Variants in FBXO8 observed in about 807,000 individuals in gnomAD.
The protein encoded by FBXO8 is F-box protein 8.
Under a neutral mutation model 33.4 loss-of-function variants are expected in FBXO8, and 15 were observed. The ratio of observed to expected loss-of-function variants is 0.45; its 90% confidence interval spans 0.30 to 0.69. The LOEUF (loss-of-function observed/expected upper bound fraction) is 0.69. Ranked by LOEUF, FBXO8 falls within the 30% of genes least tolerant of loss-of-function variation. The probability of loss-of-function intolerance (pLI) is 0.08; values close to 1 mark genes in which losing one functional copy is unlikely to be tolerated. For missense variants in FBXO8, 274 were observed against 380.3 expected (o/e 0.72, Z 2.32); for synonymous variants, 132 against 131.5 (o/e 1.00, Z -0.02).
At chr4:174,248,836 A>G (rs1246759052) in intron 3 of FBXO8, among the ~76,000 whole-genome samples, 4 of 152,068 alleles carry the variant, frequency 2.6e-5, no homozygotes, top group Admixed American at 2.0e-4. Context: ...ACAGAGATAT[A>G]TACACCTGAA....
chr4:174,238,860 G>A, intron 5 of FBXO8, 134 bp downstream of exon 5: 1 of 576,582 alleles, frequency 1.7e-6, no homozygotes, highest in Non-Finnish European at 2.8e-6. Context: ...GTCAGTCACT[G>A]CTACAAACAG....
Position 174,251,794 on chromosome 4 carries a change from A to G in FBXO8, c.456+7905T>C, listed in dbSNP as rs1736291410. ...TTGACTCTAATGCTGATCAAGGAGA[A>G]GGAGCCTGCCATAAACTCCAGCATT... On this transcript the variant is annotated intron_variant, in intron 3 of 5. Transcript: ENST00000393674. This position sits in a 1 kb window ranked among gnomAD's most constrained non-coding sequence, Gnocchi z 4.2. Among the ~76,000 whole-genome samples the G allele has an allele frequency of 6.6e-6, 1 of 152,148 alleles. No homozygotes were observed. The highest frequency in any genetic ancestry group is 2.1e-4 in the South Asian group (1 of 4,830).
At chr4:174,269,670 A>G (rs1579035652) in intron 1 of FBXO8, among the ~76,000 whole-genome samples, 1 of 144,228 alleles carries the variant, frequency 6.9e-6, no homozygotes. Flanking sequence ...ACAGAGTGAG[A>G]CTCGTCTCAA....
rs1736486003 is a variant in FBXO8, at chr4:174,259,200, TATAA to T, written c.456+495_456+498del. On this transcript the variant is annotated intron_variant, in intron 3 of 5. Coordinates refer to ENST00000393674, the MANE Select transcript of FBXO8 (RefSeq NM_012180.3). This position sits in a 1 kb window ranked among gnomAD's most constrained non-coding sequence, Gnocchi z 4.3. ...AAAATTATTCAATTTTATAACAATC[TATAA>T]ATAGTTCCTATGTCAACATGGAATT... 6.6e-6 allele frequency among the ~76,000 whole-genome samples: 1 copy of T among 152,110 alleles called. No homozygotes were observed. Among genetic ancestry groups the T allele is most frequent in the Non-Finnish European group, 1.5e-5 (1 of 67,946 alleles).
intron 3 of FBXO8, among the ~76,000 whole-genome samples, chr4:174,242,546 G>A (rs923866298): frequency 6.6e-6 from 1 of 151,376 alleles, no homozygotes; most frequent in African/African-American, 2.4e-5. Flanking sequence ...CAATGCTAAG[G>A]CACTGATTTT....
chr4:174,243,811 T>G (rs978469132), intron 3 of FBXO8, among the ~76,000 whole-genome samples: 4 of 149,722 alleles, frequency 2.7e-5, no homozygotes, highest in African/African-American at 7.3e-5. Flanking sequence ...TTAGTCTAGA[T>G]ATATATATAT....
In FBXO8 at chr4:174,256,167, T is replaced by C. The variant is rs1222013837; in HGVS notation, c.456+3532A>G. 3 of 454,526 alleles carry C rather than the reference T, an allele frequency of 6.6e-6. No individual in the cohort carries two copies. Among genetic ancestry groups the C allele is most frequent in the Non-Finnish European group, 1.3e-5 (3 of 226,526 alleles). 28.2% of individuals were successfully genotyped at this position (454,526 alleles called of 1,614,324 possible). A position where few individuals can be genotyped will look rare whatever the true frequency, so the allele number is the denominator to read the frequency against. On this transcript the variant is annotated intron_variant, in intron 3 of 5. Coordinates refer to ENST00000393674, the MANE Select transcript of FBXO8 (RefSeq NM_012180.3). The surrounding 1 kb of genome is among the most constrained non-coding windows in gnomAD (Gnocchi z 4.6). Reference sequence around the variant, plus strand: ...GTGGCTGTAAGTATTCTTATTTTTATAATATTTTAATGATGTTTGCTATCA... The same window carrying C: ...GTGGCTGTAAGTATTCTTATTTTTACAATATTTTAATGATGTTTGCTATCA...
At chr4:174,266,138 C>T (rs910800391) in intron 1 of FBXO8, among the ~76,000 whole-genome samples, 2 of 152,062 alleles carry the variant, frequency 1.3e-5, no homozygotes, top group African/African-American at 4.8e-5. Context: ...GGTGATTTCC[C>T]TAGGCTCCGG....
Position 174,259,010 on chromosome 4 carries a change from G to C in FBXO8, c.456+689C>G, listed in dbSNP as rs1321748432. Among the ~76,000 whole-genome samples the C allele has an allele frequency of 1.3e-5, 2 of 151,580 alleles. No individual in the cohort carries two copies. Among genetic ancestry groups the C allele is most frequent in the Admixed American group, 1.3e-4 (2 of 15,192 alleles). Reference sequence around the variant, plus strand: ...CTGAGTGCTGTATAATTTTCACTTAGATTTCTAAGAATAAATCTGTAAGTA... The same window carrying C: ...CTGAGTGCTGTATAATTTTCACTTACATTTCTAAGAATAAATCTGTAAGTA... On this transcript the variant is annotated intron_variant, in intron 3 of 5. Transcript: ENST00000393674. The surrounding 1 kb of genome is among the most constrained non-coding windows in gnomAD (Gnocchi z 4.3).
rs1018430954 is a variant in FBXO8, at chr4:174,261,477, G to A, written c.329+1287C>T. On this transcript the variant is annotated intron_variant, in intron 2 of 5. Transcript: ENST00000393674. The surrounding 1 kb of genome is among the most constrained non-coding windows in gnomAD (Gnocchi z 4.1). The stretch of plus-strand genomic sequence containing the variant: ...CTTTTAAAAAAAGTTCAAACAAACA[G>A]AAATTAAGTTAGTAAGGAATACTAA... Among the ~76,000 whole-genome samples the A allele has an allele frequency of 2.0e-5, 3 of 151,880 alleles. No individual in the cohort carries two copies. The highest frequency in any genetic ancestry group is 2.9e-5 in the Non-Finnish European group (2 of 67,818).
rs1736554157 is a variant in FBXO8 at position 174,261,280 on chromosome 4, T to C, written c.330-1455A>G. On this transcript the variant is annotated intron_variant, in intron 2 of 5. Coordinates refer to ENST00000393674, the MANE Select transcript of FBXO8 (RefSeq NM_012180.3). This position sits in a 1 kb window ranked among gnomAD's most constrained non-coding sequence, Gnocchi z 4.1. ...ATACATCCAAAGTTGAAATTAAAACTAAGCCAGCCTTTAATTTCAAATAGA... is the reference window on the plus strand; with the variant it reads ...ATACATCCAAAGTTGAAATTAAAACCAAGCCAGCCTTTAATTTCAAATAGA... Among the ~76,000 whole-genome samples, 1 of 151,956 alleles carries C rather than the reference T, an allele frequency of 6.6e-6. No individual in the cohort carries two copies. Among genetic ancestry groups the C allele is most frequent in the Admixed American group, 6.6e-5 (1 of 15,254 alleles).
intron 3 of FBXO8, among the ~76,000 whole-genome samples, chr4:174,243,320 G>T (rs1219126376): frequency 7.9e-5 from 12 of 151,108 alleles, no homozygotes; most frequent in Non-Finnish European, 1.6e-4. Flanking sequence ...CAACTCTATT[G>T]GTTTTATGAG....
In FBXO8 at chr4:174,265,821, TAAAGA is replaced by T. The variant is rs1290263995; in HGVS notation, c.-8-2726_-8-2722del. On this transcript the variant is annotated intron_variant, in intron 1 of 5. Coordinates refer to ENST00000393674, the MANE Select transcript of FBXO8 (RefSeq NM_012180.3). The surrounding 1 kb of genome is among the most constrained non-coding windows in gnomAD (Gnocchi z 4.7). ...TTGAACATTTTAAGTCTACTAATCA[TAAAGA>T]AAAGTATTTTATTTTCACCATTGCT... 6.6e-6 allele frequency among the ~76,000 whole-genome samples: 1 copy of T among 152,188 alleles called. No homozygotes were observed. The highest frequency in any genetic ancestry group is 6.5e-5 in the Admixed American group (1 of 15,282).
chr4:174,259,975 T>C lies in FBXO8; in HGVS notation c.330-150A>G. The C allele has an allele frequency of 1.2e-6, 1 of 835,676 alleles. No individual in the cohort carries two copies. Among genetic ancestry groups the C allele is most frequent in the Non-Finnish European group, 1.8e-6 (1 of 562,622 alleles). 51.8% of individuals were successfully genotyped at this position (835,676 alleles called of 1,614,324 possible). A position where few individuals can be genotyped will look rare whatever the true frequency, so the allele number is the denominator to read the frequency against. On this transcript the variant is annotated intron_variant, in intron 2 of 5. Transcript: ENST00000393674. This position sits in a 1 kb window ranked among gnomAD's most constrained non-coding sequence, Gnocchi z 4.3. ...AATTTTTAAGTTTGTACTTGTTTTC[T>C]ATTTGTTTACTAGAGTATGACAGAT...
rs917609833 is a variant in FBXO8 at position 174,259,635 on chromosome 4, T to C, written c.456+64A>G. The C allele has an allele frequency of 9.6e-6, 15 of 1,556,052 alleles. No homozygotes were observed. Among genetic ancestry groups the C allele is most frequent in the Non-Finnish European group, 1.2e-5 (14 of 1,157,828 alleles). ...TGTTTTCCCTGCTAGTTTATGATAT[T>C]GGAAAGCTGCAGCAAGATAGTAATA... On this transcript the variant is annotated intron_variant, in intron 3 of 5. Coordinates refer to ENST00000393674, the MANE Select transcript of FBXO8 (RefSeq NM_012180.3). The surrounding 1 kb of genome is among the most constrained non-coding windows in gnomAD (Gnocchi z 4.3).
chr4:174,241,779 A>G lies in FBXO8; in HGVS notation c.457-561T>C, dbSNP rs746272564. 6.6e-6 allele frequency among the ~76,000 whole-genome samples: 1 copy of G among 151,574 alleles called. No homozygotes were observed. The highest frequency in any genetic ancestry group is 1.5e-5 in the Non-Finnish European group (1 of 67,574). The stretch of plus-strand genomic sequence containing the variant: ...AGGTTGTACTACTTTGGCTTTAAAC[A>G]TTGCTATGTTCTACAAAAACCTAGC... On this transcript the variant is annotated intron_variant, in intron 3 of 5. Transcript: ENST00000393674. The surrounding 1 kb of genome is among the most constrained non-coding windows in gnomAD (Gnocchi z 4.2).
chr4:174,239,039 A>G lies in FBXO8; in HGVS notation c.727T>C (p.Cys243Arg). Residue 243 changes from cysteine (C) to arginine (R), a missense_variant, in exon 5 of 6, where the codon TGT (cysteine) becomes CGT (arginine). By Grantham distance (180) the Cys-to-Arg change is radical. Around this residue, in one of 2 missense-constraint regions of FBXO8, gnomAD observed 186 missense variants for 293.4 expected, o/e 0.63. Coordinates refer to ENST00000393674, the MANE Select transcript of FBXO8 (RefSeq NM_012180.3). ...CGCATTAAATCAGGGTTGCAAGCAC[A>G]GAATCTATGTGAGAACTTTGTTATA... ...TLITKFSHRF[C>R]ACNPDLMREL... 6.3e-7 allele frequency: 1 copy of G among 1,597,240 alleles called. No homozygotes were observed. Among genetic ancestry groups the G allele is most frequent in the Non-Finnish European group, 8.5e-7 (1 of 1,170,694 alleles).
At position 174,256,636 on chromosome 4, in the gene FBXO8, C is replaced by T. The variant is rs1023600978; in HGVS notation, c.456+3063G>A. Among the ~76,000 whole-genome samples the T allele has an allele frequency of 6.6e-6, 1 of 152,160 alleles. No homozygotes were observed. Among genetic ancestry groups the T allele is most frequent in the South Asian group, 2.1e-4 (1 of 4,836 alleles). On this transcript the variant is annotated intron_variant, in intron 3 of 5. Coordinates refer to ENST00000393674, the MANE Select transcript of FBXO8 (RefSeq NM_012180.3). The surrounding 1 kb of genome is among the most constrained non-coding windows in gnomAD (Gnocchi z 4.6). ...AGTACAGAATATAGTCACTGAACTA[C>T]TTCCCCTCATTTCTCTGACCTTATT... is the stretch of plus-strand genomic sequence containing the variant.
intron 4 of FBXO8, among the ~76,000 whole-genome samples, chr4:174,240,329 T>C (rs1736004185): frequency 6.6e-6 from 1 of 151,766 alleles, no homozygotes; most frequent in Non-Finnish European, 1.5e-5. Context: ...GCTACTACTC[T>C]AGCAAAGTTT....
Sources: gnomAD v4.1 joint callset for allele counts (sites outside exome capture counted in the v4.1 genomes callset) on GRCh38, gnomAD v4.1.1 for gene constraint, gnomAD v4.1.1 regional missense constraint, Gnocchi (gnomAD v3.1) non-coding constraint, MANE v1.5 for transcripts, NCBI Gene and HGNC (gene_info 2026-07-23, HGNC 2026-07-21) for gene names.